Variants in SLC36A1 observed in about 807,000 individuals in gnomAD.
SLC36A1 encodes the protein solute carrier family 36 member 1.
In SLC36A1, 30 loss-of-function variants were observed where a neutral mutation model predicts 47.5. That is an observed-to-expected ratio of 0.63 (90% CI 0.47 to 0.86). The LOEUF (loss-of-function observed/expected upper bound fraction) is 0.86, where lower values mean the gene tolerates loss of function less well. SLC36A1 is among the 40% of genes least tolerant of loss of function. The pLI, the probability that SLC36A1 is intolerant of heterozygous loss-of-function variation, is 0.00. For synonymous variants in SLC36A1, 255 were observed against 249.7 expected (o/e 1.02, Z -0.20); for missense variants, 517 against 606.0 (o/e 0.85, Z 1.54).
At chr5:151,492,938 A>G (rs165325), downstream of SLC36A1, among the ~76,000 whole-genome samples, 25,985 of 151,846 alleles carry the variant, frequency 0.17, 2,332 homozygotes, top group Non-Finnish European at 0.21. Flanking sequence ...AGACTTGCCG[A>G]CTCATACGGT....
At chr5:151,380,785 G>C in the SLC36A1 span, 5 of 524,132 alleles carry the variant, frequency 9.5e-6, no homozygotes, top group Admixed American at 2.0e-5. Flanking sequence ...TGAGCGCAAG[G>C]CCTCTGGGAA....
chr5:151,492,043 TAGC>T lies in SLC36A1; in HGVS notation c.*3792_*3794del, dbSNP rs1249096869. ...TAGGAGGTTATCAGAGTAAGGAAGG[TAGC>T]AGATATAGGTGCAGGGTGCCTGTCA... On this transcript the variant is annotated 3_prime_UTR_variant, in exon 11 of 11. Coordinates refer to ENST00000243389, the MANE Select transcript of SLC36A1 (RefSeq NM_078483.4). 2 of 152,204 alleles carry T rather than the reference TAGC, an allele frequency of 1.3e-5. No homozygotes were observed. The highest frequency in any genetic ancestry group is 2.9e-5 in the Non-Finnish European group (2 of 68,044). The allele number at this position is 152,204 out of a possible 1,614,324, so 9.4% of individuals were successfully genotyped here. A position where few individuals can be genotyped will look rare whatever the true frequency, so the allele number is the denominator to read the frequency against.
the SLC36A1 span, chr5:151,532,064 G>A: frequency 2.0e-6 from 3 of 1,504,300 alleles, no homozygotes; most frequent in African/African-American, 2.8e-5. Flanking sequence ...GGCTGGGGAG[G>A]GGCTCCCATG....
chr5:151,435,407 A>G (rs1425500745), upstream of SLC36A1, among the ~76,000 whole-genome samples: 1 of 152,216 alleles, frequency 6.6e-6, no homozygotes, highest in African/African-American at 2.4e-5. Context: ...TAAAGTCCAT[A>G]TTCAGAAGAA....
the SLC36A1 span, among the ~76,000 whole-genome samples, chr5:151,419,093 C>G: frequency 6.6e-6 from 1 of 152,234 alleles, no homozygotes; most frequent in African/African-American, 2.4e-5. Context: ...TCTTCGCCTT[C>G]TGCTGTGATT....
At chr5:151,528,248 G>T in the SLC36A1 span, 2 of 1,261,298 alleles carry the variant, frequency 1.6e-6, no homozygotes, top group Non-Finnish European at 2.2e-6. Context: ...AGCAGTGCCT[G>T]GATCACAGTT....
In SLC36A1 at chr5:151,467,901, C is replaced by T; in HGVS notation, c.699C>T (p.Val233=). The change falls in exon 7 of 11, where the codon GTC becomes GTT. Residue 233 remains valine, a synonymous_variant. Coordinates refer to ENST00000243389, the MANE Select transcript of SLC36A1 (RefSeq NM_078483.4). ...LANITMLVSL[V]MIYQFIVQRI... is the part of the protein sequence containing the mutation. ...ACATCACCATGCTGGTCAGCTTGGTCATGATCTACCAGTTCATTGTTCAGG... is the reference window on the plus strand; with the variant it reads ...ACATCACCATGCTGGTCAGCTTGGTTATGATCTACCAGTTCATTGTTCAGG... 6.2e-7 allele frequency: 1 copy of T among 1,613,662 alleles called. No homozygotes were observed. The highest frequency in any genetic ancestry group is 1.1e-5 in the South Asian group (1 of 91,016).
At chr5:151,550,620 C>T in the SLC36A1 span, 16 of 1,614,004 alleles carry the variant, frequency 9.9e-6, no homozygotes, top group African/African-American at 2.7e-5. Flanking sequence ...GGGAGGGCCC[C>T]GAGCCGAGGT....
At chr5:151,381,537 G>A in the SLC36A1 span, among the ~76,000 whole-genome samples, 3 of 152,188 alleles carry the variant, frequency 2.0e-5, no homozygotes, top group African/African-American at 7.2e-5. Flanking sequence ...ACTAGCCACA[G>A]GATTAGAAAT....
At chr5:151,417,267 T>G in the SLC36A1 span, among the ~76,000 whole-genome samples, 1 of 152,222 alleles carries the variant, frequency 6.6e-6, no homozygotes, top group East Asian at 1.9e-4. Flanking sequence ...CAGGAAGATG[T>G]AGGAAAGTTT....
intron 9 of SLC36A1, 188 bp downstream of exon 9, chr5:151,476,944 C>T (rs1281325988): frequency 2.6e-6 from 2 of 757,758 alleles, no homozygotes; most frequent in Non-Finnish European, 4.6e-6. Context: ...TCATGTAGAG[C>T]CTTCTGCTGA....
chr5:151,461,273 A>C (rs1191049091), intron 2 of SLC36A1, among the ~76,000 whole-genome samples: 1 of 151,506 alleles, frequency 6.6e-6, no homozygotes, highest in East Asian at 1.9e-4. Flanking sequence ...TATAGGCATG[A>C]GCACCATGCC....
the SLC36A1 span, among the ~76,000 whole-genome samples, chr5:151,423,862 T>TG: frequency 6.6e-6 from 1 of 152,198 alleles, no homozygotes; most frequent in African/African-American, 2.4e-5. Context: ...ATGTTGATAA[T>TG]GGGAGAGGCA....
At chr5:151,535,508 G>T in the SLC36A1 span, among the ~76,000 whole-genome samples, 1 of 152,046 alleles carries the variant, frequency 6.6e-6, no homozygotes, top group Non-Finnish European at 1.5e-5. Context: ...AGGGTGGTGC[G>T]CCCAGGGAGG....
At chr5:151,552,228 C>T in the SLC36A1 span, among the ~76,000 whole-genome samples, 1 of 152,110 alleles carries the variant, frequency 6.6e-6, no homozygotes, top group African/African-American at 2.4e-5. Flanking sequence ...TCAAGTGATC[C>T]TCCTACTTCA....
At chr5:151,542,668 G>T in the SLC36A1 span, 1 of 1,614,244 alleles carries the variant, frequency 6.2e-7, no homozygotes, top group Non-Finnish European at 8.5e-7. Context: ...GTCAATGGCA[G>T]TCACTTGAAT....
At chr5:151,544,306 T>C in the SLC36A1 span, 1 of 1,614,092 alleles carries the variant, frequency 6.2e-7, no homozygotes, top group Non-Finnish European at 8.5e-7. Flanking sequence ...ATAGACCAAT[T>C]GGGAAAAAGT....
At chr5:151,553,282 C>T in the SLC36A1 span, 1 of 1,614,264 alleles carries the variant, frequency 6.2e-7, no homozygotes, top group Non-Finnish European at 8.5e-7. Context: ...TAGTAGGTCT[C>T]ATCAAAGGCC....
the SLC36A1 span, among the ~76,000 whole-genome samples, chr5:151,356,776 A>G: frequency 6.6e-6 from 1 of 152,208 alleles, no homozygotes. Flanking sequence ...TTCAGTGAAG[A>G]ACATGCTACA....
Sources: gnomAD v4.1 joint callset for allele counts (sites outside exome capture counted in the v4.1 genomes callset) on GRCh38, gnomAD v4.1.1 for gene constraint, MANE v1.5 for transcripts, NCBI Gene and HGNC (gene_info 2026-07-23, HGNC 2026-07-21) for gene names.